Variants in MAP4K4 observed in about 807,000 individuals in gnomAD.
The protein encoded by MAP4K4 is HPK/GCK-like kinase HGK.
In MAP4K4, 38 loss-of-function variants were observed where a neutral mutation model predicts 189.6. The observed-to-expected ratio is 0.20, with a 90% CI of 0.15 to 0.26. MAP4K4 has a LOEUF of 0.26. MAP4K4 is among the 10% of genes least tolerant of loss of function. MAP4K4 has a pLI of 1.00. For missense variants in MAP4K4, 1,054 were observed against 1,726.9 expected, an observed-to-expected ratio of 0.61 and a Z score of 6.91; for synonymous variants, 610 against 624.3, an observed-to-expected ratio of 0.98 and a Z score of 0.34.
At chr2:101,766,409 T>C (rs1000430372) in intron 2 of MAP4K4, among the ~76,000 whole-genome samples, 12 of 152,162 alleles carry the variant, frequency 7.9e-5, no homozygotes, top group African/African-American at 2.9e-4. Flanking sequence ...AAATGTCTTA[T>C]AGGTGGTCTG....
At chr2:101,813,197 T>G (rs2095535262) in intron 3 of MAP4K4, among the ~76,000 whole-genome samples, 1 of 152,220 alleles carries the variant, frequency 6.6e-6, no homozygotes, top group African/African-American at 2.4e-5. Flanking sequence ...GTTTATGTAA[T>G]GGAAACACTT....
rs561580454 is a variant in MAP4K4, at chr2:101,811,533, CCT to C, written c.181-12393_181-12392del. Among the ~76,000 whole-genome samples the C allele has an allele frequency of 8.7e-4, 133 of 152,198 alleles. 1 individual carries two copies. The highest frequency in any genetic ancestry group is 1.7e-3 in the Non-Finnish European group (114 of 68,010). ...CTCCTTGACAGCTGCCCAAGCTCAC[CCT>C]CCCAGGTGTTGACGCCCCTTCTCTC... On this transcript the variant is annotated intron_variant, in intron 3 of 32. Coordinates refer to ENST00000324219, the Ensembl canonical transcript of MAP4K4.
At chr2:101,855,879 C>T in intron 12 of MAP4K4, 98 bp from the exon 13 acceptor site, 6 of 1,207,472 alleles carry the variant, frequency 5.0e-6, no homozygotes, top group Admixed American at 2.8e-5. Context: ...AACCTCACCT[C>T]ATTAGTGTCC....
chr2:101,831,649 G>T (rs1465408748), intron 6 of MAP4K4, 72 bp from the exon 7 acceptor site: 9 of 1,498,476 alleles, frequency 6.0e-6, no homozygotes, highest in Non-Finnish European at 6.4e-6. Flanking sequence ...TCCTCCTTGT[G>T]TTTTTTCCCA....
Position 101,866,415 on chromosome 2 carries a change from TC to T in MAP4K4, c.2205-12del. 1 of 1,602,764 alleles carries T rather than the reference TC, an allele frequency of 6.2e-7. No homozygotes were observed. Among genetic ancestry groups the T allele is most frequent in the Non-Finnish European group, 8.5e-7 (1 of 1,170,746 alleles). ...TGACACATTAGCTGTTCTCTCTTCTTCTTTTCTAACAGCAGTATTGAGCCCA... is the reference window on the plus strand; with the variant it reads ...TGACACATTAGCTGTTCTCTCTTCTTTTTTCTAACAGCAGTATTGAGCCCA... On this transcript the variant is annotated splice_polypyrimidine_tract_variant and intron_variant, in intron 18 of 32. Coordinates refer to ENST00000324219, the Ensembl canonical transcript of MAP4K4.
At chr2:101,755,186 CT>C (rs72002390) in intron 2 of MAP4K4, among the ~76,000 whole-genome samples, 38,774 of 144,204 alleles carry the variant, frequency 0.27, 5,408 homozygotes, top group Non-Finnish European at 0.31. Flanking sequence ...CCCCTCCTCG[CT>C]TTTTTTTTTT....
intron 3 of MAP4K4, among the ~76,000 whole-genome samples, chr2:101,806,461 C>T (rs1286340143): frequency 6.6e-6 from 1 of 151,628 alleles, no homozygotes; most frequent in East Asian, 1.9e-4. Flanking sequence ...CTGCAACCTC[C>T]ACCTCCCAGG....
At chr2:101,840,167 GA>G (rs2096872831) in intron 10 of MAP4K4, among the ~76,000 whole-genome samples, 173 bp downstream of exon 10, 1 of 152,126 alleles carries the variant, frequency 6.6e-6, no homozygotes, top group Non-Finnish European at 1.5e-5. Context: ...GCTCCAGGTG[GA>G]GTTGGCTGGA....
intron 2 of MAP4K4, among the ~76,000 whole-genome samples, chr2:101,750,654 G>GTA (rs202184027): frequency 0.034 from 5,207 of 151,240 alleles, 309 homozygotes; most frequent in African/African-American, 0.12. Flanking sequence ...AAAACTTAAA[G>GTA]TATATATATA....
intron 2 of MAP4K4, among the ~76,000 whole-genome samples, chr2:101,750,369 A>G (rs2149952263): frequency 1.4e-5 from 2 of 140,210 alleles, no homozygotes; most frequent in South Asian, 2.4e-4. Flanking sequence ...AGGGACATGG[A>G]TGAAATTGGA....
chr2:101,871,783 TC>T, intron 24 of MAP4K4, 98 bp downstream of exon 24: 2 of 1,103,060 alleles, frequency 1.8e-6, no homozygotes, highest in Non-Finnish European at 2.5e-6. Context: ...CCTCACCCCT[TC>T]CCTTCCCACC....
chr2:101,865,438 C>T (rs1427719465), intron 18 of MAP4K4, among the ~76,000 whole-genome samples: 1 of 152,194 alleles, frequency 6.6e-6, no homozygotes, highest in East Asian at 1.9e-4. Context: ...TCACAGTCTG[C>T]AGTAAACAAG....
chr2:101,731,109 T>A (rs1574437507), intron 2 of MAP4K4, among the ~76,000 whole-genome samples: 1 of 151,774 alleles, frequency 6.6e-6, no homozygotes, highest in Admixed American at 6.6e-5. Flanking sequence ...GTAATTTAAT[T>A]TTTATTTTTA....
exon 18 of MAP4K4, chr2:101,864,960 G>A: frequency 6.3e-7 from 1 of 1,578,128 alleles, no homozygotes; most frequent in Non-Finnish European, 8.6e-7. Context: ...TCGCTCCCCT[G>A]TTCTGTCCCG....
intron 2 of MAP4K4, among the ~76,000 whole-genome samples, chr2:101,753,003 A>T (rs2069998168): frequency 1.3e-5 from 2 of 152,238 alleles, no homozygotes; most frequent in South Asian, 4.1e-4. Context: ...ATTGCACAGT[A>T]AATGATGACA....
chr2:101,849,919 T>C (rs775441243), intron 12 of MAP4K4, among the ~76,000 whole-genome samples: 3 of 152,046 alleles, frequency 2.0e-5, no homozygotes, highest in Non-Finnish European at 4.4e-5. Flanking sequence ...CAAGATGGTG[T>C]CCTGGAGAAA....
At chr2:101,785,103 T>TGC (rs1215531232) in intron 2 of MAP4K4, among the ~76,000 whole-genome samples, 1 of 152,226 alleles carries the variant, frequency 6.6e-6, no homozygotes, top group Non-Finnish European at 1.5e-5. Flanking sequence ...GCTGTGTGTG[T>TGC]GCACCCCTCT....
At chr2:101,790,698 A>G in intron 2 of MAP4K4, 22 bp from the exon 3 acceptor site, 1 of 1,590,018 alleles carries the variant, frequency 6.3e-7, no homozygotes, top group South Asian at 1.1e-5. Context: ...CTGATTTTTG[A>G]TCTATTTTTT....
chr2:101,759,850 G>A (rs1205960267), intron 2 of MAP4K4, among the ~76,000 whole-genome samples: 2 of 136,516 alleles, frequency 1.5e-5, no homozygotes, highest in East Asian at 4.6e-4. Context: ...CTTTCCATCC[G>A]TCTCCTCTGT....
Sources: allele counts gnomAD v4.1 joint callset (sites outside exome capture counted in the v4.1 genomes callset), GRCh38; gene constraint gnomAD v4.1.1; transcripts MANE v1.5; gene names NCBI Gene and HGNC (gene_info 2026-07-23, HGNC 2026-07-21).